Variants in PCDHGB5 observed in about 807,000 individuals in gnomAD.
The protein encoded by PCDHGB5 is protocadherin gamma-B5.
PCDHGB5 carries 48 observed loss-of-function variants against 62.9 expected under a neutral mutation model. The observed-to-expected ratio is 0.76, with a 90% CI of 0.61 to 0.97. The LOEUF is 0.97. Ranked by LOEUF, PCDHGB5 falls within the 50% of genes least tolerant of loss-of-function variation. PCDHGB5 has a pLI of 0.00. For missense variants in PCDHGB5, 1,118 were observed against 1,198.6 expected, an observed-to-expected ratio of 0.93 and a Z score of 0.99; for synonymous variants, 474 against 511.2, an observed-to-expected ratio of 0.93 and a Z score of 0.98.
intron 1 of PCDHGB5, chr5:141,412,160 G>T (rs952899384): frequency 2.0e-5 from 3 of 152,212 alleles, no homozygotes; most frequent in Middle Eastern, 3.2e-3. Flanking sequence ...TAAGAGAAGA[G>T]ATTATTTATA....
chr5:141,456,093 T>G (rs1362649283), intron 1 of PCDHGB5, among the ~76,000 whole-genome samples: 1 of 151,986 alleles, frequency 6.6e-6, no homozygotes, highest in Non-Finnish European at 1.5e-5. Context: ...GAGACGGGAT[T>G]TCACCGTGTT....
rs751320023 is a variant in PCDHGB5 at position 141,431,263 on chromosome 5, G to T, written c.2397+30739G>T. 6 of 1,614,060 alleles carry T rather than the reference G, an allele frequency of 3.7e-6. No homozygotes were observed. In the East Asian group the frequency reaches 1.3e-4, roughly 36 times the overall value. ...CGGATATCGGGAAGAACTCTCTGCA[G>T]AGCTACGAGCTCAGCCCGAACACTC... On this transcript the variant is annotated intron_variant, in intron 1 of 3. Transcript: ENST00000617380. The surrounding 1 kb of genome is among the most constrained non-coding windows in gnomAD (Gnocchi z 4.8).
intron 1 of PCDHGB5, chr5:141,439,807 G>A (rs2098132839): frequency 6.6e-6 from 1 of 152,336 alleles, no homozygotes; most frequent in African/African-American, 2.4e-5. Context: ...AGTTTGAAAA[G>A]GGGCTTATTT....
intron 1 of PCDHGB5, chr5:141,423,760 G>A: frequency 1.1e-5 from 3 of 279,660 alleles, no homozygotes; most frequent in Non-Finnish European, 1.1e-5. Flanking sequence ...TGGGGGGGGG[G>A]TGGGGCGGCA....
chr5:141,483,009 C>T (rs538900128), intron 1 of PCDHGB5, among the ~76,000 whole-genome samples: 4 of 151,942 alleles, frequency 2.6e-5, no homozygotes, highest in Non-Finnish European at 5.9e-5. Flanking sequence ...TGCTTGAACC[C>T]GGGAGGCAGA....
intron 1 of PCDHGB5, chr5:141,478,198 ACTT>A (rs2099438516): frequency 1.2e-6 from 2 of 1,613,746 alleles, no homozygotes; most frequent in African/African-American, 1.3e-5. Context: ...CCTTTTATCT[ACTT>A]CTTTCTCTAA....
intron 1 of PCDHGB5, chr5:141,426,170 T>G (rs2096918811): frequency 6.4e-6 from 1 of 155,200 alleles, no homozygotes. Flanking sequence ...CCATACGGAT[T>G]GGGGTGCCCT....
chr5:141,418,988 G>A, intron 1 of PCDHGB5: 1 of 1,613,946 alleles, frequency 6.2e-7, no homozygotes, highest in Non-Finnish European at 8.5e-7. Context: ...CCAAGACTCA[G>A]GGGAAAATGG....
At chr5:141,510,450 T>G (rs1273211856) in intron 3 of PCDHGB5, among the ~76,000 whole-genome samples, 1 of 151,946 alleles carries the variant, frequency 6.6e-6, no homozygotes, top group Non-Finnish European at 1.5e-5. Flanking sequence ...CAGGAGCCCA[T>G]GGTCTAGTGT....
chr5:141,478,414 C>T, intron 1 of PCDHGB5: 1 of 1,613,630 alleles, frequency 6.2e-7, no homozygotes, highest in Non-Finnish European at 8.5e-7. Context: ...CCACGGACTC[C>T]CGCCGCAGCG....
intron 1 of PCDHGB5, among the ~76,000 whole-genome samples, chr5:141,448,434 G>A (rs2098588755): frequency 1.3e-5 from 2 of 152,052 alleles, no homozygotes; most frequent in Non-Finnish European, 2.9e-5. Context: ...TATATATTGA[G>A]AAGTCTGACT....
chr5:141,446,639 G>C (rs1461520959), intron 1 of PCDHGB5, among the ~76,000 whole-genome samples: 1 of 152,116 alleles, frequency 6.6e-6, no homozygotes, highest in Non-Finnish European at 1.5e-5. Context: ...ACCACGCCTG[G>C]CTAATTTTTG....
chr5:141,473,497 C>T (rs2099323546), intron 1 of PCDHGB5, among the ~76,000 whole-genome samples: 1 of 152,106 alleles, frequency 6.6e-6, no homozygotes, highest in Non-Finnish European at 1.5e-5. Context: ...ATAAGGTGTT[C>T]TGAGAGAGCA....
In PCDHGB5 at chr5:141,398,111, T is replaced by C; in HGVS notation, c.-17T>C. On this transcript the variant is annotated 5_prime_UTR_variant, in exon 1 of 4. Transcript: ENST00000617380. ...GGCGTCTCCAGGCTGGTGAGCAAGC[T>C]GAGGAGAGCAAGAGGGATGGGGAGC... 1 of 1,594,080 alleles carries C rather than the reference T, an allele frequency of 6.3e-7. No individual in the cohort carries two copies. The highest frequency in any genetic ancestry group is 2.2e-5 in the East Asian group (1 of 44,546).
At position 141,399,677 on chromosome 5, in the gene PCDHGB5, A is replaced by G; in HGVS notation, c.1550A>G (p.Asp517Gly). Residue 517 changes from aspartate (D) to glycine (G), a missense_variant, in exon 1 of 4, where the codon GAC (aspartate) becomes GGC (glycine). This residue lies in a region of PCDHGB5 where 1,034 missense variants were observed against 1,029.1 expected (regional missense o/e 1.00). Coordinates refer to ENST00000617380, the MANE Select transcript of PCDHGB5 (RefSeq NM_018925.3). ...GTGGTGTTCGCGCAGCGCGCCTTTG[A>G]CTACGAGCAGCTGCGCACCTTCGAA... ...SGVVFAQRAFDYEQLRTFELT... is the reference protein window; with the variant it reads ...SGVVFAQRAFGYEQLRTFELT... The G allele has an allele frequency of 6.2e-7, 1 of 1,613,540 alleles. No individual in the cohort carries two copies. Among genetic ancestry groups the G allele is most frequent in the Non-Finnish European group, 8.5e-7 (1 of 1,179,866 alleles).
chr5:141,455,787 C>T (rs1259121501), intron 1 of PCDHGB5, among the ~76,000 whole-genome samples: 2 of 152,004 alleles, frequency 1.3e-5, no homozygotes, highest in Non-Finnish European at 2.9e-5. Flanking sequence ...GAAACTTTTC[C>T]GGAGATGCTT....
intron 1 of PCDHGB5, chr5:141,442,016 C>CCA (rs1561906409): frequency 4.6e-6 from 1 of 219,336 alleles, no homozygotes; most frequent in African/African-American, 2.4e-5. Context: ...GCACGATGGG[C>CCA]CACAGGAAAG....
intron 1 of PCDHGB5, among the ~76,000 whole-genome samples, chr5:141,449,588 C>CAA (rs768743917): frequency 2.4e-4 from 14 of 57,430 alleles, no homozygotes; most frequent in Non-Finnish European, 3.7e-4. Flanking sequence ...GACTCTGTCT[C>CAA]AAAAAAAAAA....
chr5:141,426,094 G>C (rs2096914562), intron 1 of PCDHGB5, among the ~76,000 whole-genome samples: 1 of 152,350 alleles, frequency 6.6e-6, no homozygotes, highest in African/African-American at 2.4e-5. Flanking sequence ...ACGATATTCT[G>C]TTCAGTCACA....
Sources: gnomAD v4.1 joint callset for allele counts (sites outside exome capture counted in the v4.1 genomes callset) on GRCh38, gnomAD v4.1.1 for gene constraint, gnomAD v4.1.1 regional missense constraint, Gnocchi (gnomAD v3.1) non-coding constraint, MANE v1.5 for transcripts, NCBI Gene and HGNC (gene_info 2026-07-23, HGNC 2026-07-21) for gene names.